The following APC variants were observed in gnomAD, a reference collection of about 807,000 sequenced individuals.
APC encodes adenomatous polyposis coli protein.
APC carries 72 observed loss-of-function variants against 247.0 expected under a neutral mutation model. The ratio of observed to expected loss-of-function variants is 0.29; its 90% CI spans 0.24 to 0.35. APC has a LOEUF of 0.35. APC is among the 10% of genes least tolerant of loss of function. The pLI, the probability that APC is intolerant of heterozygous loss-of-function variation, is 1.00. For synonymous variants in APC, 1,254 were observed against 1,162.5 expected (o/e 1.08, Z -1.60); for missense variants, 3,400 against 3,360.7 (o/e 1.01, Z -0.29).
intron 5 of APC, among the ~76,000 whole-genome samples, chr5:112,776,132 A>G (rs1023168444): frequency 6.6e-6 from 1 of 152,208 alleles, no homozygotes; most frequent in African/African-American, 2.4e-5. Flanking sequence ...TTGCAATAAA[A>G]ATATCTCTGA....
intron 8 of APC, among the ~76,000 whole-genome samples, chr5:112,804,435 T>C (rs551249748): frequency 1.3e-5 from 2 of 152,084 alleles, no homozygotes; most frequent in South Asian, 4.1e-4. Flanking sequence ...CAGGCTGGAG[T>C]GCAATGGTGG....
At chr5:112,828,029 T>C in intron 13 of APC, 23 bp downstream of exon 13, 2 of 1,594,196 alleles carry the variant, frequency 1.3e-6, no homozygotes, top group Non-Finnish European at 1.7e-6. Flanking sequence ...ATTTCACCTG[T>C]TTTTCTTTTT....
In APC at chr5:112,837,742, A is replaced by G. The variant is rs764733890; in HGVS notation, c.2148A>G (p.Lys716=). 5.0e-6 allele frequency: 8 copies of G among 1,614,010 alleles called. No individual in the cohort carries two copies. The African/African-American group carries it at 9.3e-5, about 19-fold the overall frequency. Residue 716 remains lysine, a synonymous_variant, in exon 16 of 16, where the codon AAA becomes AAG. Transcript: ENST00000257430. ...MLKNLIHSKH[K]MIAMGSAAAL... ...AGAACCTCATTCATTCAAAGCACAAAATGATTGCTATGGGAAGTGCTGCAG... is the reference window on the plus strand; with the variant it reads ...AGAACCTCATTCATTCAAAGCACAAGATGATTGCTATGGGAAGTGCTGCAG...
chr5:112,830,093 T>G (rs747339780), intron 14 of APC: 19 of 150,976 alleles, frequency 1.3e-4, no homozygotes, highest in African/African-American at 1.7e-4. Flanking sequence ...AAAAGGTTTG[T>G]TTTTTTTTGG....
At chr5:112,788,156 C>G (rs974272144) in intron 6 of APC, among the ~76,000 whole-genome samples, 1 of 152,102 alleles carries the variant, frequency 6.6e-6, no homozygotes, top group Non-Finnish European at 1.5e-5. Context: ...TTTAGCTTCT[C>G]CATGCCTGCA....
At chr5:112,823,495 A>ATAATAG in intron 11 of APC, 1 of 152,506 alleles carries the variant, frequency 6.6e-6, no homozygotes, top group Admixed American at 6.5e-5. Flanking sequence ...TTGCGGGGAG[A>ATAATAG]TAATAGTACA....
At chr5:112,756,710 T>C (rs1755025336) in intron 2 of APC, among the ~76,000 whole-genome samples, 1 of 152,244 alleles carries the variant, frequency 6.6e-6, no homozygotes, top group Non-Finnish European at 1.5e-5. Context: ...TACCCTTAGA[T>C]CCATCTCCAC....
rs147757080 is a variant in APC, at chr5:112,843,037, T to A, written c.7443T>A (p.Thr2481=). 9.9e-6 allele frequency: 16 copies of A among 1,613,724 alleles called. No individual in the cohort carries two copies. The highest frequency in any genetic ancestry group is 1.7e-5 in the Admixed American group (1 of 59,992). Residue 2481 remains threonine, a synonymous_variant, in exon 16 of 16, where the codon ACT becomes ACA. Transcript: ENST00000257430. The surrounding 1 kb of genome is among the most constrained non-coding windows in gnomAD (Gnocchi z 4.8). ...PASPTRSQAQ[T]PVLSPSLPDM... ...CTCCCACTAGGTCCCAGGCACAAACTCCAGTTTTAAGTCCTTCCCTTCCTG... is the reference window on the plus strand; with the variant it reads ...CTCCCACTAGGTCCCAGGCACAAACACCAGTTTTAAGTCCTTCCCTTCCTG...
chr5:112,730,245 A>T (rs1375207833), intron 1 of APC, among the ~76,000 whole-genome samples: 1 of 152,234 alleles, frequency 6.6e-6, no homozygotes, highest in African/African-American at 2.4e-5. Context: ...TCAAGTACCT[A>T]CTGCTGCAGA....
At chr5:112,770,280 G>A (rs549446013) in intron 4 of APC, among the ~76,000 whole-genome samples, 5 of 152,036 alleles carry the variant, frequency 3.3e-5, no homozygotes, top group Non-Finnish European at 7.4e-5. Flanking sequence ...TCTAGGAAAA[G>A]CTTATTTCTC....
chr5:112,753,068 T>C (rs548860960), intron 1 of APC, among the ~76,000 whole-genome samples: 4 of 152,172 alleles, frequency 2.6e-5, no homozygotes, highest in South Asian at 2.1e-4. Flanking sequence ...TTATTTTGTT[T>C]TATTATTTTG....
intron 2 of APC, among the ~76,000 whole-genome samples, chr5:112,756,509 A>G (rs1349856042): frequency 6.6e-6 from 1 of 152,236 alleles, no homozygotes; most frequent in Non-Finnish European, 1.5e-5. Flanking sequence ...TGTTTTTAAA[A>G]GTTTTAAAAT....
At chr5:112,727,492 C>A (rs1751854648) in intron 1 of APC, among the ~76,000 whole-genome samples, 1 of 152,026 alleles carries the variant, frequency 6.6e-6, no homozygotes, top group Admixed American at 6.6e-5. Context: ...ATTACTATGC[C>A]CTATATTTAT....
chr5:112,813,348 A>T (rs979537316), intron 8 of APC, among the ~76,000 whole-genome samples: 1 of 152,230 alleles, frequency 6.6e-6, no homozygotes, highest in Non-Finnish European at 1.5e-5. Context: ...TTGGCTTATA[A>T]CATGACTTAT....
intron 2 of APC, among the ~76,000 whole-genome samples, chr5:112,759,848 G>T (rs1755454090): frequency 6.6e-6 from 1 of 151,044 alleles, no homozygotes. Context: ...TTTTTTTTTG[G>T]AACTGCTTTG....
chr5:112,781,480 G>T (rs987437557), intron 6 of APC, among the ~76,000 whole-genome samples: 3 of 152,068 alleles, frequency 2.0e-5, no homozygotes, highest in African/African-American at 4.8e-5. Flanking sequence ...ATGTTTTAAA[G>T]CCCTGAAGAG....
chr5:112,806,579 T>TTGATTGATTG (rs1561523143), intron 8 of APC, among the ~76,000 whole-genome samples: 4 of 150,484 alleles, frequency 2.7e-5, no homozygotes, highest in African/African-American at 9.9e-5. Context: ...TTTATTTATT[T>TTGATTGATTG]ATTTATTTAT....
At chr5:112,806,035 A>G (rs1443826239) in intron 8 of APC, among the ~76,000 whole-genome samples, 2 of 151,960 alleles carry the variant, frequency 1.3e-5, no homozygotes, top group Non-Finnish European at 2.9e-5. Flanking sequence ...AGTACCTCAT[A>G]TTTACTGGGC....
intron 11 of APC, among the ~76,000 whole-genome samples, chr5:112,823,652 T>C (rs887174785): frequency 3.9e-5 from 6 of 152,216 alleles, no homozygotes; most frequent in Non-Finnish European, 5.9e-5. Flanking sequence ...TTTGCACTTA[T>C]TAGTATTAGA....
Sources: gnomAD v4.1 joint callset for allele counts (sites outside exome capture counted in the v4.1 genomes callset) on GRCh38, gnomAD v4.1.1 for gene constraint, Gnocchi (gnomAD v3.1) non-coding constraint, MANE v1.5 for transcripts, NCBI Gene and HGNC (gene_info 2026-07-23, HGNC 2026-07-21) for gene names.